Variants in FRMPD1 observed in about 807,000 individuals in gnomAD.
FRMPD1 encodes the protein FERM and PDZ domain containing 1.
Under a neutral mutation model 117.8 loss-of-function variants are expected in FRMPD1, and 76 were observed. The observed-to-expected ratio is 0.65, with a 90% CI of 0.54 to 0.78. The LOEUF (loss-of-function observed/expected upper bound fraction) is 0.78, where lower values mean the gene tolerates loss of function less well. Among genes scored for constraint, FRMPD1 ranks in the 30% least tolerant of loss-of-function variants. FRMPD1 has a pLI of 0.00. For synonymous variants in FRMPD1, 783 were observed against 770.4 expected (o/e 1.02, Z -0.27); for missense variants, 1,786 against 1,964.5 (o/e 0.91, Z 1.72).
the FRMPD1 span, among the ~76,000 whole-genome samples, chr9:37,643,525 A>G: frequency 1.3e-5 from 2 of 152,186 alleles, no homozygotes; most frequent in African/African-American, 4.8e-5. Context: ...TTAACTTTCA[A>G]AAACAATTTT....
At chr9:37,658,327 T>G (rs1258342585) in intron 1 of FRMPD1, among the ~76,000 whole-genome samples, 1 of 152,170 alleles carries the variant, frequency 6.6e-6, no homozygotes, top group African/African-American at 2.4e-5. Flanking sequence ...GCATGCACTT[T>G]GGCGTCAGAG....
intron 2 of FRMPD1, among the ~76,000 whole-genome samples, chr9:37,699,670 A>G (rs1822464048): frequency 6.6e-6 from 1 of 152,222 alleles, no homozygotes; most frequent in African/African-American, 2.4e-5. Context: ...AGTTTTATAG[A>G]GCGAGATCTA....
At chr9:37,737,635 C>A (rs1824195193) in intron 14 of FRMPD1, among the ~76,000 whole-genome samples, 1 of 151,994 alleles carries the variant, frequency 6.6e-6, no homozygotes, top group Non-Finnish European at 1.5e-5. Context: ...ACCAGCCTGG[C>A]CAACATGGTG....
intron 7 of FRMPD1, among the ~76,000 whole-genome samples, chr9:37,727,214 C>T (rs1005523619): frequency 9.2e-5 from 14 of 152,052 alleles, no homozygotes; most frequent in African/African-American, 2.7e-4. Context: ...AGCCACTGAA[C>T]GTTCTTGAGC....
the FRMPD1 span, among the ~76,000 whole-genome samples, chr9:37,627,465 TTATTTTACTTTA>T: frequency 6.6e-6 from 1 of 152,184 alleles, no homozygotes; most frequent in Non-Finnish European, 1.5e-5. Context: ...GATTATTTTA[TTATTTTACTTTA>T]TTTATTTTTG....
the FRMPD1 span, among the ~76,000 whole-genome samples, chr9:37,606,565 A>G: frequency 1.3e-5 from 2 of 152,232 alleles, no homozygotes; most frequent in Admixed American, 6.5e-5. Flanking sequence ...CTTGCTAAAT[A>G]GCGTTTTCTT....
At chr9:37,677,934 C>T (rs1193529890) in intron 1 of FRMPD1, among the ~76,000 whole-genome samples, 3 of 152,194 alleles carry the variant, frequency 2.0e-5, no homozygotes, top group Non-Finnish European at 2.9e-5. Flanking sequence ...GCCTGCTTAT[C>T]TCAGTGTCCC....
chr9:37,699,831 A>C (rs1004029327), intron 2 of FRMPD1, among the ~76,000 whole-genome samples: 1 of 152,178 alleles, frequency 6.6e-6, no homozygotes, highest in African/African-American at 2.4e-5. Flanking sequence ...CACAAGGCAC[A>C]TACATGCATA....
chr9:37,612,372 G>A, the FRMPD1 span, among the ~76,000 whole-genome samples: 5 of 151,960 alleles, frequency 3.3e-5, no homozygotes, highest in East Asian at 3.9e-4. Flanking sequence ...TTTTTGAGAC[G>A]GAGTCTCGAT....
the FRMPD1 span, among the ~76,000 whole-genome samples, chr9:37,612,543 G>A: frequency 6.5e-5 from 9 of 139,132 alleles, no homozygotes; most frequent in African/African-American, 1.1e-4. Flanking sequence ...TTTTTGAGAC[G>A]GAGTCTTGCT....
intron 15 of FRMPD1, among the ~76,000 whole-genome samples, chr9:37,742,443 CAGAACT>C (rs2118502958): frequency 6.6e-6 from 1 of 152,258 alleles, no homozygotes; most frequent in African/African-American, 2.4e-5. Context: ...AGAAAAGAGC[CAGAACT>C]AGGATTCCTC....
chr9:37,696,522 A>T (rs1402821856), intron 2 of FRMPD1, among the ~76,000 whole-genome samples: 1 of 152,208 alleles, frequency 6.6e-6, no homozygotes, highest in East Asian at 1.9e-4. Flanking sequence ...ATTGAAATAT[A>T]TTTAAAATGC....
chr9:37,684,847 G>T (rs1480595504), intron 1 of FRMPD1, among the ~76,000 whole-genome samples: 1 of 152,090 alleles, frequency 6.6e-6, no homozygotes, highest in East Asian at 1.9e-4. Context: ...TCAACCTCCT[G>T]GGCTCAGGTG....
At chr9:37,610,201 A>G in the FRMPD1 span, among the ~76,000 whole-genome samples, 22,705 of 152,244 alleles carry the variant, frequency 0.15, 2,147 homozygotes, top group Admixed American at 0.21. Flanking sequence ...ACAGTTGTAC[A>G]TAGTTACGGG....
At chr9:37,730,963 T>G (rs377587285) in intron 8 of FRMPD1, 21 bp from the exon 9 acceptor site, 1 of 1,611,722 alleles carries the variant, frequency 6.2e-7, no homozygotes, top group African/African-American at 1.3e-5. Flanking sequence ...AGATTAATAG[T>G]ATCTCCCTTA....
Position 37,740,075 on chromosome 9 carries a change from C to T in FRMPD1, c.1550-3C>T, listed in dbSNP as rs1289631556. The T allele has an allele frequency of 6.3e-7, 1 of 1,584,004 alleles. No individual in the cohort carries two copies. The highest frequency in any genetic ancestry group is 1.4e-5 in the African/African-American group (1 of 74,058). ...GTAACTGTTGCTGTACCCTGTGTTG[C>T]AGGCTATGAATCCAGGGCCTGCAGT... On this transcript the variant is annotated splice_polypyrimidine_tract_variant and splice_region_variant and intron_variant, in intron 14 of 15. Coordinates refer to ENST00000377765, the MANE Select transcript of FRMPD1 (RefSeq NM_014907.3). This position sits in a 1 kb window ranked among gnomAD's most constrained non-coding sequence, Gnocchi z 4.2.
At position 37,711,377 on chromosome 9, in the gene FRMPD1, A is replaced by G. The variant is rs1281116195; in HGVS notation, c.390A>G (p.Thr130=). Residue 130 remains threonine, a synonymous_variant, in exon 5 of 16, where the codon ACA becomes ACG. Transcript: ENST00000377765. ...AAGCAGAAGATTCTCTTTCAATCACAGTTGTTCGCTGCACGTCGGTAAATC... is the reference window on the plus strand; with the variant it reads ...AAGCAGAAGATTCTCTTTCAATCACGGTTGTTCGCTGCACGTCGGTAAATC... ...LREAEDSLSI[T]VVRCTSGVPK... is the part of the protein sequence containing the mutation. The G allele has an allele frequency of 5.0e-6, 8 of 1,610,288 alleles. No homozygotes were observed. Among genetic ancestry groups the G allele is most frequent in the Non-Finnish European group, 6.8e-6 (8 of 1,176,570 alleles).
chr9:37,637,032 A>G, the FRMPD1 span: 2 of 1,548,762 alleles, frequency 1.3e-6, no homozygotes, highest in Non-Finnish European at 1.8e-6. Context: ...GTGACGTCAT[A>G]TACCACGAGG....
At chr9:37,704,307 C>T (rs1822626403) in intron 2 of FRMPD1, among the ~76,000 whole-genome samples, 1 of 152,124 alleles carries the variant, frequency 6.6e-6, no homozygotes, top group Non-Finnish European at 1.5e-5. Flanking sequence ...CAAAATCTCT[C>T]ATCAATAATT....
Sources: allele counts gnomAD v4.1 joint callset (sites outside exome capture counted in the v4.1 genomes callset), GRCh38; gene constraint gnomAD v4.1.1; non-coding constraint Gnocchi (gnomAD v3.1); transcripts MANE v1.5; gene names NCBI Gene and HGNC (gene_info 2026-07-23, HGNC 2026-07-21).